BRF1: variants seen among roughly 807,000 people sequenced by gnomAD.
BRF1 encodes the protein transcription factor IIIB 90 kDa subunit.
In BRF1, 59 loss-of-function variants were observed where a neutral mutation model predicts 81.7. The observed-to-expected ratio is 0.72, with a 90% CI of 0.59 to 0.90. BRF1 has a LOEUF of 0.90. Among genes scored for constraint, BRF1 ranks in the 40% least tolerant of loss-of-function variants. The pLI is 0.00. For missense variants in BRF1, 1,050 were observed against 936.3 expected (o/e 1.12, Z -1.58); for synonymous variants, 491 against 395.6 (o/e 1.24, Z -2.86).
chr14:105,308,391 A>T (rs1182908288), intron 1 of BRF1, among the ~76,000 whole-genome samples: 2 of 151,440 alleles, frequency 1.3e-5, no homozygotes, highest in Non-Finnish European at 2.9e-5. Context: ...CTGAAGAGGG[A>T]GGATTGCCTG....
At position 105,314,951 on chromosome 14, in the gene BRF1, C is replaced by G. The variant is rs587698346; in HGVS notation, c.-162+371G>C. The stretch of plus-strand genomic sequence containing the variant: ...AGCGAGGCCGCCTCGGCCTCCCCGG[C>G]GCGCCCGGCGCGCTCAACACGCCCG... On this transcript the variant is annotated intron_variant, in intron 1 of 17. Coordinates refer to the BRF1 transcript ENST00000327359. The G allele has an allele frequency of 1.5e-5, 18 of 1,178,490 alleles. No individual in the cohort carries two copies. The highest frequency in any genetic ancestry group is 1.8e-5 in the Non-Finnish European group (17 of 934,170). 73.0% of individuals were successfully genotyped at this position (1,178,490 alleles called of 1,614,324 possible).
intron 1 of BRF1, among the ~76,000 whole-genome samples, chr14:105,286,849 T>G (rs2057333329): frequency 6.6e-6 from 1 of 152,226 alleles, no homozygotes; most frequent in South Asian, 2.1e-4. Context: ...GTCAAATGGC[T>G]GCCGGGCGAG....
Position 105,284,872 on chromosome 14 carries a change from G to A in BRF1, c.265+1424C>T, listed in dbSNP as rs145855258. ...TTGTACCGAAAATCCTAAGTGATCC[G>A]CTAAAAAACTATTCAGCATAAAAAA... is the stretch of plus-strand genomic sequence containing the variant. On this transcript the variant is annotated intron_variant, in intron 2 of 17. Coordinates refer to ENST00000547530, the MANE Select transcript of BRF1 (RefSeq NM_001519.4). The surrounding 1 kb of genome is among the most constrained non-coding windows in gnomAD (Gnocchi z 4.0). 2.3e-4 allele frequency among the ~76,000 whole-genome samples: 35 copies of A among 152,256 alleles called. No individual in the cohort carries two copies. Among genetic ancestry groups the A allele is most frequent in the African/African-American group, 7.7e-4 (32 of 41,546 alleles).
At position 105,248,569 on chromosome 14, in the gene BRF1, T is replaced by G. The variant is rs1481473869; in HGVS notation, c.544+3938A>C. On this transcript the variant is annotated intron_variant, in intron 5 of 17. Transcript: ENST00000547530. ...CACCGGCGCCGCGGCGGGTACGGGC[T>G]CGGGCGGGCGGGCGGGCGGGACGGC... 5.7e-5 allele frequency: 31 copies of G among 542,842 alleles called. No individual in the cohort carries two copies. The East Asian group carries it at 8.6e-4, about 15-fold the overall frequency. 33.6% of individuals were successfully genotyped at this position (542,842 alleles called of 1,614,324 possible). A position where few individuals can be genotyped will look rare whatever the true frequency, so the allele number is the denominator to read the frequency against.
intron 7 of BRF1, chr14:105,228,143 G>T (rs2054134137): frequency 1.3e-5 from 2 of 152,184 alleles, no homozygotes; most frequent in Non-Finnish European, 1.5e-5. Flanking sequence ...GGGTCACCTG[G>T]GCTCTCAAAG....
chr14:105,297,139 C>CA, intron 1 of BRF1, among the ~76,000 whole-genome samples: 1 of 152,030 alleles, frequency 6.6e-6, no homozygotes, highest in Non-Finnish European at 1.5e-5. Flanking sequence ...GCCTGAGTGA[C>CA]AGAGCGAGAC....
At chr14:105,215,181 A>G (rs587762798) in intron 15 of BRF1, among the ~76,000 whole-genome samples, 1 of 152,318 alleles carries the variant, frequency 6.6e-6, no homozygotes, top group East Asian at 1.9e-4. Flanking sequence ...TCACAGATGC[A>G]CACACACTGC....
At position 105,269,580 on chromosome 14, in the gene BRF1, C is replaced by A. The variant is rs2056571729; in HGVS notation, c.439+3141G>T. Reference sequence around the variant, plus strand: ...CTGTGCGTGAGCCTCGGTGGGGACACAGGTACTCTTTTCCCTTGGGCACAC... The same window carrying A: ...CTGTGCGTGAGCCTCGGTGGGGACAAAGGTACTCTTTTCCCTTGGGCACAC... On this transcript the variant is annotated intron_variant, in intron 3 of 17. Coordinates refer to ENST00000547530, the MANE Select transcript of BRF1 (RefSeq NM_001519.4). This position sits in a 1 kb window ranked among gnomAD's most constrained non-coding sequence, Gnocchi z 5.0. 6.6e-6 allele frequency among the ~76,000 whole-genome samples: 1 copy of A among 152,100 alleles called. No individual in the cohort carries two copies. Among genetic ancestry groups the A allele is most frequent in the African/African-American group, 2.4e-5 (1 of 41,406 alleles).
At chr14:105,301,958 G>A (rs976942525), upstream of BRF1, among the ~76,000 whole-genome samples, 3 of 152,100 alleles carry the variant, frequency 2.0e-5, no homozygotes, top group Non-Finnish European at 4.4e-5. Flanking sequence ...CCAACATGGC[G>A]AAACCCCGTC....
chr14:105,250,213 C>G (rs371770383), intron 5 of BRF1: 3 of 1,612,946 alleles, frequency 1.9e-6, no homozygotes, highest in Non-Finnish European at 2.5e-6. Context: ...GGAAGGGCCT[C>G]GCCCCGCAGA....
intron 10 of BRF1, among the ~76,000 whole-genome samples, chr14:105,224,272 G>C (rs1306857917): frequency 1.3e-5 from 2 of 152,230 alleles, no homozygotes; most frequent in Non-Finnish European, 2.9e-5. Context: ...AGGAGGGTGA[G>C]GCAGGAGAAT....
rs1203143549 is a variant in BRF1 at position 105,248,124 on chromosome 14, G to A, written c.544+4383C>T. 4 of 985,374 alleles carry A rather than the reference G, an allele frequency of 4.1e-6. No individual in the cohort carries two copies. The African/African-American group carries it at 5.2e-5, about 13-fold the overall frequency. 61.0% of individuals were successfully genotyped at this position (985,374 alleles called of 1,614,324 possible). ...AAAATGCCGGGAAATAGCAGCGCCT[G>A]CCCCTGTAAAGCCCTCAGAGCAGAG... is the stretch of plus-strand genomic sequence containing the variant. On this transcript the variant is annotated intron_variant, in intron 5 of 17. Transcript: ENST00000547530.
rs765768932 is a variant in BRF1 at position 105,228,905 on chromosome 14, C to A, written c.703G>T (p.Val235Phe). The A allele has an allele frequency of 3.1e-6, 5 of 1,613,472 alleles. No homozygotes were observed. The highest frequency in any genetic ancestry group is 2.2e-5 in the South Asian group (2 of 91,090). The change falls in exon 7 of 18, where the codon GTT becomes TTT. Residue 235 changes from valine (V) to phenylalanine (F), a missense_variant. Val to Phe is a conservative substitution (Grantham distance 50). Around this residue, in one of 2 missense-constraint regions of BRF1, gnomAD observed 1,043 missense variants for 915.4 expected, o/e 1.14. Coordinates refer to ENST00000547530, the MANE Select transcript of BRF1 (RefSeq NM_001519.4). ...CTGAAGTCATGCATTCTGGCTGCAA[C>A]CAGGAGCGCTGGAAGGCAACGAGAC... ...PSGLCGAALL[V>F]AARMHDFRRT...
At chr14:105,219,568 A>G in intron 12 of BRF1, 1 of 480,968 alleles carries the variant, frequency 2.1e-6, no homozygotes, top group Non-Finnish European at 3.7e-6. Context: ...CCTCCCACTC[A>G]GGTACAGATG....
At chr14:105,245,315 C>T (rs2055010111) in intron 5 of BRF1, among the ~76,000 whole-genome samples, 2 of 151,910 alleles carry the variant, frequency 1.3e-5, no homozygotes, top group Admixed American at 6.6e-5. Flanking sequence ...GAGCTGAGAT[C>T]GTGCCACTGC....
In BRF1 at chr14:105,209,453, G is replaced by A. The variant is rs1233742141; in HGVS notation, c.*1098C>T. ...GGCAGGACATACAGCCCATTCCATGGGGAGGATGAGGCCCCTGGGGGTCAG... is the reference window on the plus strand; with the variant it reads ...GGCAGGACATACAGCCCATTCCATGAGGAGGATGAGGCCCCTGGGGGTCAG... On this transcript the variant is annotated 3_prime_UTR_variant, in exon 18 of 18. Coordinates refer to ENST00000547530, the MANE Select transcript of BRF1 (RefSeq NM_001519.4). 2.6e-5 allele frequency: 18 copies of A among 697,924 alleles called. No homozygotes were observed. Among genetic ancestry groups the A allele is most frequent in the South Asian group, 9.0e-5 (6 of 66,760 alleles). 43.2% of individuals were successfully genotyped at this position (697,924 alleles called of 1,614,324 possible).
intron 5 of BRF1, among the ~76,000 whole-genome samples, chr14:105,244,638 G>A (rs980485440): frequency 5.3e-5 from 8 of 151,906 alleles, no homozygotes; most frequent in Admixed American, 1.3e-4. Context: ...GGCGCACAGC[G>A]ACAGAGGAAG....
At chr14:105,297,291 G>A (rs2057785422) in intron 1 of BRF1, among the ~76,000 whole-genome samples, 1 of 151,980 alleles carries the variant, frequency 6.6e-6, no homozygotes, top group Non-Finnish European at 1.5e-5. Context: ...AATGTCAGCT[G>A]GGCACAGTGG....
At chr14:105,264,080 G>A (rs2056288582) in intron 3 of BRF1, among the ~76,000 whole-genome samples, 1 of 152,048 alleles carries the variant, frequency 6.6e-6, no homozygotes, top group African/African-American at 2.4e-5. Flanking sequence ...AGAAAATCAA[G>A]ATAATAAAAA....
Sources: allele counts gnomAD v4.1 joint callset (sites outside exome capture counted in the v4.1 genomes callset), GRCh38; gene constraint gnomAD v4.1.1; regional missense constraint gnomAD v4.1.1; non-coding constraint Gnocchi (gnomAD v3.1); transcripts MANE v1.5; gene names NCBI Gene and HGNC (gene_info 2026-07-23, HGNC 2026-07-21).